GPR143: variants seen among roughly 807,000 people sequenced by gnomAD.
GPR143 encodes G-protein coupled receptor 143.
GPR143 carries 8 observed loss-of-function variants against 27.6 expected under a neutral mutation model. The ratio of observed to expected loss-of-function variants is 0.29; its 90% CI spans 0.17 to 0.52. The LOEUF is 0.52. Among genes scored for constraint, GPR143 ranks in the 20% least tolerant of loss-of-function variants. The probability of loss-of-function intolerance (pLI) is 0.96; values close to 1 mark genes in which losing one functional copy is unlikely to be tolerated. For missense variants in GPR143, 303 were observed against 343.1 expected, an observed-to-expected ratio of 0.88 and a Z score of 0.92; for synonymous variants, 156 against 153.2, an observed-to-expected ratio of 1.02 and a Z score of -0.13.
intron 1 of GPR143, 59 bp downstream of exon 1, chrX:9,765,509 C>T: frequency 9.7e-7 from 1 of 1,031,028 alleles, no homozygotes. Flanking sequence ...ACCTGCGGGC[C>T]ACGCGCCCTC....
chrX:9,759,384 AC>A lies in GPR143; in HGVS notation c.402del (p.Cys136AlafsTer9), dbSNP rs62635034. On this transcript the variant is annotated frameshift_variant, in exon 3 of 9. Coordinates refer to ENST00000467482, the MANE Select transcript of GPR143 (RefSeq NM_000273.3). LOFTEE classifies it high-confidence loss of function. ...QLLYSACFWW[L>X]FCYAVDAYLV... Reference sequence around the variant, plus strand: ...AGATAAGCATCCACTGCATAGCAAAACAGCCACCAGAAGCAGGCACTGTACA... The same window carrying A: ...AGATAAGCATCCACTGCATAGCAAAAAGCCACCAGAAGCAGGCACTGTACA... The A allele has an allele frequency of 8.3e-7, 1 of 1,200,697 alleles. No individual in the cohort carries two copies. The highest frequency in any genetic ancestry group is 1.1e-6 in the Non-Finnish European group (1 of 887,775).
At chrX:9,758,880 C>A (rs930031112) in intron 3 of GPR143, among the ~76,000 whole-genome samples, 1 of 111,804 alleles carries the variant, frequency 8.9e-6, no homozygotes, top group Admixed American at 9.5e-5. Context: ...AAAGCGAGAC[C>A]CTGCCTCTAA....
rs1165147453 is a variant in GPR143, at chrX:9,741,326, AG to A, written c.885+11del. Reference sequence around the variant, plus strand: ...TAATTAACTAATTAAAATAAAATATAGATTGACCTACCATAATAAACCATGT... The same window carrying A: ...TAATTAACTAATTAAAATAAAATATAATTGACCTACCATAATAAACCATGT... On this transcript the variant is annotated intron_variant, in intron 7 of 8. Transcript: ENST00000467482. 1.5e-6 allele frequency: 1 copy of A among 681,515 alleles called. No homozygotes were observed. The highest frequency in any genetic ancestry group is 2.6e-5 in the Admixed American group (1 of 38,305). 56.2% of individuals were successfully genotyped at this position (681,515 alleles called of 1,213,427 possible).
At position 9,765,727 on chromosome X, in the gene GPR143, C is replaced by T. The variant is rs1212665243; in HGVS notation, c.91G>A (p.Ala31Thr). 4 of 1,121,757 alleles carry T rather than the reference C, an allele frequency of 3.6e-6. No homozygotes were observed. Among genetic ancestry groups the T allele is most frequent in the Non-Finnish European group, 4.7e-6 (4 of 856,727 alleles). The allele number at this position is 1,121,757 out of a possible 1,213,427, so 92.4% of individuals were successfully genotyped here. Residue 31 changes from alanine to threonine, a missense_variant, in exon 1 of 9, where the codon GCG becomes ACG. By Grantham distance (58) the Ala-to-Thr change is moderately conservative. Transcript: ENST00000467482. ...VLSFQPRAFH[A>T]LCLGSGGLRL... ...AGCCCGCCGCTGCCCAGGCAGAGCG[C>T]GTGGAAGGCCCGCGGCTGGAAGCTC...
chrX:9,734,685 A>G (rs58213148), intron 8 of GPR143, among the ~76,000 whole-genome samples: 4,491 of 111,715 alleles, frequency 0.04, 213 homozygotes, highest in African/African-American at 0.14. Context: ...GGAAAGATCT[A>G]TACTCCTGCT....
Position 9,754,416 on chromosome X carries a change from C to T in GPR143, c.455+4916G>A, listed in dbSNP as rs141902559. Among the ~76,000 whole-genome samples, 668 of 111,317 alleles carry T rather than the reference C, an allele frequency of 6.0e-3. 3 individuals are homozygous for T. The highest frequency in any genetic ancestry group is 0.021 in the African/African-American group (636 of 30,641). The stretch of plus-strand genomic sequence containing the variant: ...CAATGTGGGCCAGGAACCAGAAGCT[C>T]TGTATGAGACTCAGATAACTAACGG... On this transcript the variant is annotated intron_variant, in intron 3 of 8. Coordinates refer to ENST00000467482, the MANE Select transcript of GPR143 (RefSeq NM_000273.3).
At chrX:9,775,652 T>C (rs2083568839) in intron 1 of GPR143, among the ~76,000 whole-genome samples, 1 of 111,674 alleles carries the variant, frequency 9.0e-6, no homozygotes, top group Non-Finnish European at 1.9e-5. Flanking sequence ...GGACTGGGGA[T>C]GCCCCTTGCA....
chrX:9,758,168 T>C (rs2083480820), intron 3 of GPR143, among the ~76,000 whole-genome samples: 1 of 111,233 alleles, frequency 9.0e-6, no homozygotes. Flanking sequence ...TGGGGGCAAA[T>C]GCTTCCTGGA....
At chrX:9,759,286 CT>C in intron 3 of GPR143, 45 bp downstream of exon 3, 1 of 817,966 alleles carries the variant, frequency 1.2e-6, no homozygotes, top group Non-Finnish European at 1.8e-6. Context: ...CTTATCTTCC[CT>C]CTAAAATAGA....
At chrX:9,732,282 G>A (rs771508855) in intron 8 of GPR143, among the ~76,000 whole-genome samples, 2 of 111,429 alleles carry the variant, frequency 1.8e-5, no homozygotes, top group Non-Finnish European at 3.8e-5. Flanking sequence ...GTGAAGGACA[G>A]GAACTGTGGA....
intron 5 of GPR143, among the ~76,000 whole-genome samples, chrX:9,745,201 G>A: frequency 8.8e-6 from 1 of 113,027 alleles, no homozygotes; most frequent in Non-Finnish European, 1.9e-5. Context: ...GTTGCAGTGA[G>A]CCGAGATCAC....
chrX:9,769,372 G>A (rs1601893493), upstream of GPR143, among the ~76,000 whole-genome samples: 1 of 111,125 alleles, frequency 9.0e-6, no homozygotes, highest in African/African-American at 3.3e-5. Flanking sequence ...GCTGGAAGAC[G>A]GTTCCTGAGT....
At chrX:9,767,056 T>C (rs964561119), upstream of GPR143, among the ~76,000 whole-genome samples, 24 of 111,622 alleles carry the variant, frequency 2.2e-4, no homozygotes, top group African/African-American at 2.9e-4. Flanking sequence ...TTTATTTGGA[T>C]TTTTCTTAAC....
chrX:9,771,019 G>A (rs921021337), upstream of GPR143, among the ~76,000 whole-genome samples: 1 of 111,865 alleles, frequency 8.9e-6, no homozygotes, highest in Non-Finnish European at 1.9e-5. Flanking sequence ...GGCCAGGTGC[G>A]GTGGCTCATG....
chrX:9,773,510 C>T (rs1049827812), intron 1 of GPR143, among the ~76,000 whole-genome samples: 3 of 108,276 alleles, frequency 2.8e-5, no homozygotes, highest in Non-Finnish European at 5.7e-5. Flanking sequence ...CACACACACA[C>T]ATAAACACAC....
chrX:9,739,374 T>C (rs1277027592), intron 8 of GPR143, 111 bp downstream of exon 8: 14 of 540,220 alleles, frequency 2.6e-5, no homozygotes, highest in Non-Finnish European at 4.5e-5. Context: ...GAGGTGCTGC[T>C]GAACACCCCG....
rs1555913609 is a variant in GPR143, at chrX:9,734,096, AAG to A, written c.1120+5387_1120+5388del. Among the ~76,000 whole-genome samples the A allele has an allele frequency of 5.6e-4, 60 of 107,698 alleles. 1 individual carries two copies. The highest frequency in any genetic ancestry group is 1.8e-3 in the African/African-American group (52 of 28,845). The allele number at this position is 107,698 out of a possible 115,157, so 93.5% of individuals were successfully genotyped here. A position where few individuals can be genotyped will look rare whatever the true frequency, so the allele number is the denominator to read the frequency against. ...ACTCTGTCTCAAAAAAAAAAAAAAA[AAG>A]AAGAAGAATAAAATAGATTATAGAA... On this transcript the variant is annotated intron_variant, in intron 8 of 8. Coordinates refer to ENST00000467482, the MANE Select transcript of GPR143 (RefSeq NM_000273.3).
chrX:9,771,299 C>T (rs1443579199), intron 1 of GPR143, among the ~76,000 whole-genome samples: 1 of 111,337 alleles, frequency 9.0e-6, no homozygotes, highest in Non-Finnish European at 1.9e-5. Context: ...GGTCTCAAGC[C>T]ATCCTTTCAC....
At chrX:9,765,898 G>C, upstream of GPR143, 7 of 935,621 alleles carry the variant, frequency 7.5e-6, no homozygotes, top group Non-Finnish European at 9.5e-6. Context: ...GGCTGGGGGC[G>C]GCATCATGTG....
Sources: allele counts gnomAD v4.1 joint callset (sites outside exome capture counted in the v4.1 genomes callset), GRCh38; gene constraint gnomAD v4.1.1; transcripts MANE v1.5; gene names NCBI Gene and HGNC (gene_info 2026-07-23, HGNC 2026-07-21).